GTF2F2: variants seen among roughly 807,000 people sequenced by gnomAD.
The protein encoded by GTF2F2 is general transcription factor IIF subunit 2.
In GTF2F2, 23 loss-of-function variants were observed where a neutral mutation model predicts 42.2. The ratio of observed to expected loss-of-function variants is 0.55; its 90% CI spans 0.39 to 0.77. The LOEUF (loss-of-function observed/expected upper bound fraction) is 0.77, where lower values mean the gene tolerates loss of function less well. Ranked by LOEUF, GTF2F2 falls within the 30% of genes least tolerant of loss-of-function variation. The pLI is 0.00. For synonymous variants in GTF2F2, 105 were observed against 100.8 expected (o/e 1.04, Z -0.25); for missense variants, 261 against 287.2 (o/e 0.91, Z 0.66).
chr13:45,164,784 C>A (rs1871194837), intron 4 of GTF2F2, among the ~76,000 whole-genome samples: 2 of 152,050 alleles, frequency 1.3e-5, no homozygotes, highest in Non-Finnish European at 2.9e-5. Context: ...TTTGGGGTAC[C>A]CAGTGCTGGT....
chr13:45,233,267 C>A (rs1471026645), intron 5 of GTF2F2, among the ~76,000 whole-genome samples: 1 of 152,088 alleles, frequency 6.6e-6, no homozygotes, highest in Non-Finnish European at 1.5e-5. Flanking sequence ...TATAAAAAAA[C>A]AATTTAAAAT....
intron 7 of GTF2F2, among the ~76,000 whole-genome samples, chr13:45,276,439 C>CTTT (rs61148455): frequency 6.9e-6 from 1 of 144,222 alleles, no homozygotes; most frequent in African/African-American, 2.6e-5. Flanking sequence ...AACTGCTAGA[C>CTTT]TTTTTTTTTT....
intron 2 of GTF2F2, among the ~76,000 whole-genome samples, chr13:45,148,637 A>C (rs1005033401): frequency 6.6e-6 from 1 of 152,132 alleles, no homozygotes; most frequent in Non-Finnish European, 1.5e-5. Context: ...CCCTTAATTG[A>C]ACATTAAAAT....
chr13:45,252,167 T>C (rs1566151650), intron 5 of GTF2F2, among the ~76,000 whole-genome samples: 1 of 152,160 alleles, frequency 6.6e-6, no homozygotes, highest in African/African-American at 2.4e-5. Flanking sequence ...TTCTGAGACA[T>C]GGTCTCTCTC....
In GTF2F2 at chr13:45,272,071, AATTTTTAT is replaced by A. The variant is rs1186116068; in HGVS notation, c.630+4709_630+4716del. 8.0e-5 allele frequency among the ~76,000 whole-genome samples: 12 copies of A among 149,512 alleles called. No homozygotes were observed. The East Asian group carries it at 1.4e-3, about 17-fold the overall frequency. ...CTATAACTGGAAATTTTTATTTTTA[AATTTTTAT>A]ATTTTTATATTTTAAATATAAATTT... On this transcript the variant is annotated intron_variant, in intron 7 of 7. Transcript: ENST00000340473.
intron 1 of GTF2F2, among the ~76,000 whole-genome samples, chr13:45,132,551 T>C (rs1241415615): frequency 1.3e-5 from 2 of 151,956 alleles, no homozygotes; most frequent in Non-Finnish European, 2.9e-5. Flanking sequence ...TATAATCTTA[T>C]GTAACCTAAT....
At chr13:45,173,839 G>A (rs561096027) in intron 4 of GTF2F2, among the ~76,000 whole-genome samples, 3 of 151,692 alleles carry the variant, frequency 2.0e-5, no homozygotes, top group South Asian at 2.1e-4. Flanking sequence ...GGATGGTCTC[G>A]ATCTCCTGAC....
At chr13:45,186,375 T>C (rs1448091584) in intron 4 of GTF2F2, among the ~76,000 whole-genome samples, 2 of 150,296 alleles carry the variant, frequency 1.3e-5, no homozygotes, top group Non-Finnish European at 3.0e-5. Flanking sequence ...CACTTCAACC[T>C]CCACCTCCTA....
At chr13:45,170,998 T>C (rs1871566969) in intron 4 of GTF2F2, among the ~76,000 whole-genome samples, 1 of 151,146 alleles carries the variant, frequency 6.6e-6, no homozygotes, top group South Asian at 2.1e-4. Flanking sequence ...GGCAGCAATT[T>C]AGTAGAGAGA....
chr13:45,168,974 C>T (rs953548709), intron 4 of GTF2F2, among the ~76,000 whole-genome samples: 1 of 138,886 alleles, frequency 7.2e-6, no homozygotes, highest in African/African-American at 2.6e-5. Flanking sequence ...TTACCTCCTT[C>T]CCTCCTTCCT....
At chr13:45,243,310 T>C (rs921781703) in intron 5 of GTF2F2, among the ~76,000 whole-genome samples, 1 of 152,218 alleles carries the variant, frequency 6.6e-6, no homozygotes, top group Non-Finnish European at 1.5e-5. Flanking sequence ...AAGTGAACAT[T>C]ACTGCCTGAG....
chr13:45,265,277 A>T (rs1379078620), intron 6 of GTF2F2, among the ~76,000 whole-genome samples: 1 of 151,624 alleles, frequency 6.6e-6, no homozygotes, highest in Non-Finnish European at 1.5e-5. Flanking sequence ...AAAAAAATTG[A>T]GACTGGCTGG....
chr13:45,151,457 C>T (rs1181403031), intron 3 of GTF2F2, among the ~76,000 whole-genome samples: 1 of 152,018 alleles, frequency 6.6e-6, no homozygotes, highest in Non-Finnish European at 1.5e-5. Flanking sequence ...ACTCCTGGCC[C>T]AAGGAATCCT....
intron 4 of GTF2F2, among the ~76,000 whole-genome samples, chr13:45,180,190 TA>T (rs1566125183): frequency 6.6e-6 from 1 of 152,194 alleles, no homozygotes; most frequent in African/African-American, 2.4e-5. Flanking sequence ...TAGTATAAAT[TA>T]TAAATAAGTT....
intron 4 of GTF2F2, among the ~76,000 whole-genome samples, chr13:45,202,880 G>A (rs948562830): frequency 2.0e-5 from 3 of 152,166 alleles, no homozygotes; most frequent in African/African-American, 7.2e-5. Flanking sequence ...TTGAACCTGG[G>A]AGGCGGAGGT....
At chr13:45,176,624 A>G (rs188708339) in intron 4 of GTF2F2, among the ~76,000 whole-genome samples, 31 of 152,236 alleles carry the variant, frequency 2.0e-4, no homozygotes, top group Non-Finnish European at 4.0e-4. Flanking sequence ...GTTATCTTTA[A>G]TAGTCCAGTT....
chr13:45,257,057 G>A (rs981427358), intron 6 of GTF2F2, among the ~76,000 whole-genome samples: 2 of 152,024 alleles, frequency 1.3e-5, no homozygotes, highest in Non-Finnish European at 2.9e-5. Flanking sequence ...CCCACCTATG[G>A]CAAATAGATG....
chr13:45,178,169 A>G (rs1002813805), intron 4 of GTF2F2, among the ~76,000 whole-genome samples: 1 of 151,906 alleles, frequency 6.6e-6, no homozygotes, highest in African/African-American at 2.4e-5. Context: ...TATTTTAAAC[A>G]TAGGGCCAAC....
chr13:45,279,917 C>T (rs1001131891), intron 7 of GTF2F2, among the ~76,000 whole-genome samples: 6 of 151,620 alleles, frequency 4.0e-5, no homozygotes, highest in East Asian at 1.9e-4. Flanking sequence ...ACCGTCCCCC[C>T]GCCCCCCCCA....
Sources: allele counts gnomAD v4.1 joint callset (sites outside exome capture counted in the v4.1 genomes callset), GRCh38; gene constraint gnomAD v4.1.1; transcripts MANE v1.5; gene names NCBI Gene and HGNC (gene_info 2026-07-23, HGNC 2026-07-21).